The following TLE1 variants were observed in gnomAD, a reference collection of about 807,000 sequenced individuals.
TLE1 encodes transducin-like enhancer protein 1.
In TLE1, 21 loss-of-function variants were observed where a neutral mutation model predicts 89.8. The observed-to-expected ratio is 0.23, with a 90% CI of 0.17 to 0.34. The LOEUF is 0.34. Among genes scored for constraint, TLE1 ranks in the 10% least tolerant of loss-of-function variants. The pLI, the probability that TLE1 is intolerant of heterozygous loss-of-function variation, is 1.00. For synonymous variants in TLE1, 447 were observed against 407.6 expected (o/e 1.10, Z -1.16); for missense variants, 795 against 1,031.2 (o/e 0.77, Z 3.14).
At chr9:81,661,454 G>A (rs1304947420) in intron 4 of TLE1, among the ~76,000 whole-genome samples, 1 of 151,900 alleles carries the variant, frequency 6.6e-6, no homozygotes, top group Non-Finnish European at 1.5e-5. Context: ...GGGCCTCAAA[G>A]CAATCCAATG....
intron 9 of TLE1, among the ~76,000 whole-genome samples, chr9:81,619,345 G>A (rs1164361195): frequency 6.6e-6 from 1 of 152,178 alleles, no homozygotes; most frequent in East Asian, 1.9e-4. Flanking sequence ...TACTGGAGGT[G>A]GGTTTGCACA....
chr9:81,681,037 C>G (rs935120412), intron 4 of TLE1, among the ~76,000 whole-genome samples: 1 of 151,786 alleles, frequency 6.6e-6, no homozygotes, highest in African/African-American at 2.4e-5. Context: ...CATCTAAATA[C>G]TTTTTTAAAA....
At chr9:81,639,538 A>G (rs1259543700) in intron 6 of TLE1, among the ~76,000 whole-genome samples, 4 of 151,672 alleles carry the variant, frequency 2.6e-5, no homozygotes, top group African/African-American at 9.7e-5. Flanking sequence ...AACATAGAAC[A>G]CACATGCAAA....
At chr9:81,652,090 T>C in intron 6 of TLE1, 124 bp downstream of exon 6, 1 of 893,742 alleles carries the variant, frequency 1.1e-6, no homozygotes. Flanking sequence ...CCTTATCAAA[T>C]AGGTCAACGT....
rs544115345 is a variant in TLE1, at chr9:81,688,342, G to A, written c.-102C>T. On this transcript the variant is annotated 5_prime_UTR_variant, in exon 1 of 20. Coordinates refer to ENST00000376499, the MANE Select transcript of TLE1 (RefSeq NM_005077.5). ...GAAAATTAAGCCGGAAAGCCAAGCA[G>A]AAGCGGGGAGCGCGCTGGCCACGCA... 3.4e-5 allele frequency: 44 copies of A among 1,301,832 alleles called. No homozygotes were observed. The highest frequency in any genetic ancestry group is 2.8e-4 in the Middle Eastern group (1 of 3,570). 80.6% of individuals were successfully genotyped at this position (1,301,832 alleles called of 1,614,324 possible).
intron 17 of TLE1, 77 bp downstream of exon 17, chr9:81,587,604 G>A (rs917348481): frequency 2.9e-5 from 43 of 1,487,142 alleles, no homozygotes; most frequent in Non-Finnish European, 3.5e-5. Flanking sequence ...CTAGGGTAAA[G>A]GAGGGAGGGT....
At chr9:81,677,261 CA>C (rs758598913) in intron 4 of TLE1, among the ~76,000 whole-genome samples, 2 of 145,266 alleles carry the variant, frequency 1.4e-5, no homozygotes, top group Non-Finnish European at 3.0e-5. Flanking sequence ...AAAGACCTTA[CA>C]AATTTAAAAG....
intron 8 of TLE1, among the ~76,000 whole-genome samples, chr9:81,632,397 G>C (rs1826758851): frequency 1.3e-5 from 2 of 151,672 alleles, no homozygotes; most frequent in Non-Finnish European, 2.9e-5. Context: ...ACAGAAGAGG[G>C]GGGAAAAAAC....
chr9:81,592,740 A>G (rs988722836), intron 15 of TLE1, among the ~76,000 whole-genome samples: 1 of 152,086 alleles, frequency 6.6e-6, no homozygotes, highest in Non-Finnish European at 1.5e-5. Context: ...TAAATGGGAA[A>G]CTCTCTTTTG....
chr9:81,597,627 C>A (rs964126248), intron 14 of TLE1, among the ~76,000 whole-genome samples: 2 of 152,140 alleles, frequency 1.3e-5, no homozygotes, highest in Admixed American at 6.5e-5. Context: ...TGAGACCCAG[C>A]CCCCACCTAG....
At chr9:81,646,767 G>T (rs1482153469) in intron 6 of TLE1, among the ~76,000 whole-genome samples, 1 of 152,120 alleles carries the variant, frequency 6.6e-6, no homozygotes, top group Non-Finnish European at 1.5e-5. Context: ...TTAGGAGTTT[G>T]AATTCACAGC....
chr9:81,584,191 A>C lies in TLE1; in HGVS notation c.*7T>G. The C allele has an allele frequency of 6.2e-7, 1 of 1,609,720 alleles. No individual in the cohort carries two copies. Among genetic ancestry groups the C allele is most frequent in the East Asian group, 2.2e-5 (1 of 44,862 alleles). Reference sequence around the variant, plus strand: ...TTCAACTATAAACGTTAAACCACATAATGTTTTCAGTAGATGACTTCATAG... The same window carrying C: ...TTCAACTATAAACGTTAAACCACATCATGTTTTCAGTAGATGACTTCATAG... On this transcript the variant is annotated 3_prime_UTR_variant, in exon 20 of 20. Transcript: ENST00000376499.
intron 14 of TLE1, among the ~76,000 whole-genome samples, chr9:81,599,439 G>A (rs1278614242): frequency 3.9e-5 from 6 of 152,148 alleles, no homozygotes; most frequent in Admixed American, 6.5e-5. Flanking sequence ...TGTCGACATC[G>A]TGAGTGTGAC....
chr9:81,620,357 T>G (rs1437807744), intron 9 of TLE1, 84 bp downstream of exon 9: 8 of 1,056,044 alleles, frequency 7.6e-6, no homozygotes, highest in Non-Finnish European at 1.1e-5. Context: ...GACATGGAAT[T>G]ATCACTAAGA....
chr9:81,639,271 G>T (rs943945394), intron 6 of TLE1, among the ~76,000 whole-genome samples: 1 of 152,020 alleles, frequency 6.6e-6, no homozygotes, highest in Non-Finnish European at 1.5e-5. Context: ...TCACCATGTT[G>T]CCCAGGCTGG....
chr9:81,658,918 A>AT (rs915773052), intron 4 of TLE1, among the ~76,000 whole-genome samples: 97 of 149,116 alleles, frequency 6.5e-4, no homozygotes, highest in Non-Finnish European at 1.2e-3. Context: ...CTATTTATTT[A>AT]TTTTTTTTTT....
At chr9:81,661,533 T>TA (rs1450866261) in intron 4 of TLE1, among the ~76,000 whole-genome samples, 2 of 152,094 alleles carry the variant, frequency 1.3e-5, no homozygotes, top group Admixed American at 6.5e-5. Context: ...TGATGGATCA[T>TA]AAAAAAATGG....
At chr9:81,607,974 T>C (rs1438775166) in intron 14 of TLE1, among the ~76,000 whole-genome samples, 1 of 152,220 alleles carries the variant, frequency 6.6e-6, no homozygotes, top group African/African-American at 2.4e-5. Flanking sequence ...ATATGAAAAG[T>C]AGAGCAATGG....
intron 14 of TLE1, among the ~76,000 whole-genome samples, chr9:81,601,407 A>C (rs2131940593): frequency 6.6e-6 from 1 of 152,322 alleles, no homozygotes. Context: ...TAAACACTAA[A>C]CAAGTGGGTA....
Sources: allele counts gnomAD v4.1 joint callset (sites outside exome capture counted in the v4.1 genomes callset), GRCh38; gene constraint gnomAD v4.1.1; transcripts MANE v1.5; gene names NCBI Gene and HGNC (gene_info 2026-07-23, HGNC 2026-07-21).